The following CCDC78 variants were observed in gnomAD, a reference collection of about 807,000 sequenced individuals.
CCDC78 encodes coiled-coil domain-containing protein 78.
CCDC78 carries 78 observed loss-of-function variants against 61.9 expected under a neutral mutation model. The observed-to-expected ratio is 1.26, with a 90% CI of 1.05 to 1.52. The LOEUF (loss-of-function observed/expected upper bound fraction) is 1.52. CCDC78 is among the 40% of genes most tolerant of loss of function. The pLI is 0.00. For missense variants in CCDC78, 737 were observed against 615.5 expected (o/e 1.20, Z -2.09); for synonymous variants, 287 against 251.9 (o/e 1.14, Z -1.32).
At position 725,205 on chromosome 16, in the gene CCDC78, C is replaced by T. The variant is rs373426261; in HGVS notation, c.492+32G>A. On this transcript the variant is annotated intron_variant, in intron 5 of 13. Transcript: ENST00000345165. Reference sequence around the variant, plus strand: ...TAGGCTTGGGGTCTCTGGTGCTGCCCTCTCCCCTGAGCTAGGTGGCTGCAC... The same window carrying T: ...TAGGCTTGGGGTCTCTGGTGCTGCCTTCTCCCCTGAGCTAGGTGGCTGCAC... 3.7e-6 allele frequency: 6 copies of T among 1,610,834 alleles called. No homozygotes were observed. The East Asian group carries it at 6.7e-5, about 18-fold the overall frequency.
At chr16:723,994 G>A in intron 10 of CCDC78, 58 bp from the exon 11 acceptor site, 3 of 1,593,722 alleles carry the variant, frequency 1.9e-6, no homozygotes, top group Non-Finnish European at 2.6e-6. Context: ...GCCCCTCAGA[G>A]GCCCGGGGCT....
Position 724,891 on chromosome 16 carries a change from C to T in CCDC78, c.639+20G>A. Reference sequence around the variant, plus strand: ...GGCCCCCACCCTCCAGGTCTCCAAGCAGTCAGGGCAGAGCCTCACCACAGC... The same window carrying T: ...GGCCCCCACCCTCCAGGTCTCCAAGTAGTCAGGGCAGAGCCTCACCACAGC... On this transcript the variant is annotated intron_variant, in intron 7 of 13. Coordinates refer to ENST00000345165, the MANE Select transcript of CCDC78 (RefSeq NM_001378030.1). 2 of 1,595,646 alleles carry T rather than the reference C, an allele frequency of 1.3e-6. No individual in the cohort carries two copies. The highest frequency in any genetic ancestry group is 1.1e-5 in the South Asian group (1 of 89,448).
chr16:725,733 G>C, intron 3 of CCDC78, 61 bp downstream of exon 3: 1 of 1,575,622 alleles, frequency 6.3e-7, no homozygotes, highest in Non-Finnish European at 8.6e-7. Flanking sequence ...TGCAGGGCAC[G>C]TGTCCTGGGC....
In CCDC78 at chr16:725,087, A is replaced by C; in HGVS notation, c.551T>G (p.Val184Gly). The C allele has an allele frequency of 6.2e-7, 1 of 1,612,656 alleles. No homozygotes were observed. The highest frequency in any genetic ancestry group is 1.1e-5 in the South Asian group (1 of 91,080). Reference sequence around the variant, plus strand: ...TGAGATGGCCACTCACACACGCGTCACCAGTGCCTGCTGCCGGGCCTCCTG... The same window carrying C: ...TGAGATGGCCACTCACACACGCGTCCCCAGTGCCTGCTGCCGGGCCTCCTG... ...EHQEARQQAL[V>G]TRVATLGRQL... Residue 184 changes from valine (V) to glycine (G), a missense_variant, in exon 6 of 14, where the codon GTG (valine) becomes GGG (glycine). Physicochemically the swap from Val to Gly is moderately radical, Grantham distance 109. Coordinates refer to ENST00000345165, the MANE Select transcript of CCDC78 (RefSeq NM_001378030.1).
chr16:723,838 C>T lies in CCDC78; in HGVS notation c.1133+19G>A, dbSNP rs1567314918. On this transcript the variant is annotated intron_variant, in intron 11 of 13. Transcript: ENST00000345165. Reference sequence around the variant, plus strand: ...GCTCATCCCCCACAGGCCTCCCCCACACCCATGAGGGCACTCACTGTGGCT... The same window carrying T: ...GCTCATCCCCCACAGGCCTCCCCCATACCCATGAGGGCACTCACTGTGGCT... The T allele has an allele frequency of 1.9e-6, 3 of 1,565,542 alleles. No homozygotes were observed. Among genetic ancestry groups the T allele is most frequent in the Non-Finnish European group, 2.6e-6 (3 of 1,154,918 alleles).
Position 724,135 on chromosome 16 carries a change from C to A in CCDC78, c.1024G>T (p.Val342Phe). 1 of 1,602,616 alleles carries A rather than the reference C, an allele frequency of 6.2e-7. No individual in the cohort carries two copies. The highest frequency in any genetic ancestry group is 8.5e-7 in the Non-Finnish European group (1 of 1,174,762). ...TCCTCCCGATGGCTGAAGTCAGTGACCAGGGGCACGGGCAATGGTTCCAGG... is the reference window on the plus strand; with the variant it reads ...TCCTCCCGATGGCTGAAGTCAGTGAACAGGGGCACGGGCAATGGTTCCAGG... Reference protein sequence around the residue: ...LDLEPLPVPLVTDFSHREDQH... With the variant: ...LDLEPLPVPLFTDFSHREDQH... Residue 342 changes from valine to phenylalanine, a missense_variant, in exon 10 of 14, where the codon GTC becomes TTC. Coordinates refer to ENST00000345165, the MANE Select transcript of CCDC78 (RefSeq NM_001378030.1).
rs753986011 is a variant in CCDC78, at chr16:722,693, C to A, written c.1398G>T (p.Arg466Ser). Residue 466 changes from arginine to serine, a missense_variant, in exon 14 of 14, where the codon AGG (arginine) becomes AGT (serine). Transcript: ENST00000345165. ...GGGAGACGGCCTAGTGGCTGCCGGT[C>A]CTTGGATGCTGGGGCTTGGCTGGAG... ...AVPPAKPQHP[R>S]TGSH 5.0e-6 allele frequency: 8 copies of A among 1,607,962 alleles called. No homozygotes were observed.
rs1265287188 is a variant in CCDC78, at chr16:726,437, T to C, written c.-70A>G. 6 of 1,491,834 alleles carry C rather than the reference T, an allele frequency of 4.0e-6. No homozygotes were observed. The East Asian group carries it at 7.4e-5, about 18-fold the overall frequency. The allele number at this position is 1,491,834 out of a possible 1,614,324, so 92.4% of individuals were successfully genotyped here. On this transcript the variant is annotated 5_prime_UTR_variant, in exon 1 of 14. Transcript: ENST00000345165. ...CGCCCGGCTTCCCCATGGCTGCTGC[T>C]GCCACTGGCACTGCTAAGTGCGTTG...
intron 11 of CCDC78, 129 bp from the exon 12 acceptor site, chr16:723,290 GGCCCCCCCCGTGCTCCTGTGGC>G: frequency 1.9e-6 from 2 of 1,053,330 alleles, no homozygotes; most frequent in Non-Finnish European, 2.8e-6. Context: ...GGGAGGCATG[GGCCCCCCCCGTGCTCCTGTGGC>G]GCCCCCCCCA....
rs1211833005 is a variant in CCDC78 at position 724,399 on chromosome 16, C to T, written c.876G>A (p.Leu292=). The T allele has an allele frequency of 1.9e-6, 3 of 1,611,340 alleles. No individual in the cohort carries two copies. Among genetic ancestry groups the T allele is most frequent in the African/African-American group, 2.7e-5 (2 of 74,942 alleles). The change falls in exon 9 of 14, where the codon CTG becomes CTA. Residue 292 remains leucine (L), a synonymous_variant. Coordinates refer to ENST00000345165, the MANE Select transcript of CCDC78 (RefSeq NM_001378030.1). The part of the protein sequence containing the change: ...RAAHRSREQQ[L]ARAARSYHKR... Reference sequence around the variant, plus strand: ...TGTGGTAGCTGCGGGCAGCCCGGGCCAGCTGCTGCTCACGGCTGCGGTGCG... The same window carrying T: ...TGTGGTAGCTGCGGGCAGCCCGGGCTAGCTGCTGCTCACGGCTGCGGTGCG...
intron 11 of CCDC78, chr16:723,588 G>T (rs1350618925): frequency 2.9e-6 from 2 of 686,950 alleles, no homozygotes; most frequent in East Asian, 5.6e-5. Flanking sequence ...CCAGGTCTCA[G>T]CGGAAACCTC....
At chr16:723,199 C>T (rs955699632) in intron 11 of CCDC78, 38 bp from the exon 12 acceptor site, 1 of 1,603,992 alleles carries the variant, frequency 6.2e-7, no homozygotes, top group Non-Finnish European at 8.5e-7. Flanking sequence ...GTTTTGAGAG[C>T]TGGCATGGTG....
Position 724,198 on chromosome 16 carries a change from C to T in CCDC78, c.961G>A (p.Gly321Arg). 8 of 1,595,994 alleles carry T rather than the reference C, an allele frequency of 5.0e-6. No individual in the cohort carries two copies. Among genetic ancestry groups the T allele is most frequent in the Non-Finnish European group, 6.8e-6 (8 of 1,170,708 alleles). The stretch of plus-strand genomic sequence containing the variant: ...ATGTCAAAAATAGCTTGGGGGTTCC[C>T]AGGTGCCCTGTCAGGGTAGGCTAGT... ...EELLVAYRAP[G>R]NPQAIFDIAS... Residue 321 changes from glycine (G) to arginine (R), a missense_variant, in exon 10 of 14, where the codon GGG (glycine) becomes AGG (arginine). Gly to Arg is a moderately radical substitution (Grantham distance 125, BLOSUM62 -2). Coordinates refer to ENST00000345165, the MANE Select transcript of CCDC78 (RefSeq NM_001378030.1).
Position 725,803 on chromosome 16 carries a change from C to G in CCDC78, c.258G>C (p.Leu86=). The change falls in exon 3 of 14, where the codon CTG becomes CTC. Residue 86 remains leucine, a synonymous_variant. Coordinates refer to ENST00000345165, the MANE Select transcript of CCDC78 (RefSeq NM_001378030.1). ...HEQHEAEIFQ[L]KSEILRLESR... ...TCACACGGCTGCTCACCTCACTCTT[C>G]AGCTGGAAGATTTCAGCCTCATGCT... The G allele has an allele frequency of 1.2e-6, 2 of 1,607,672 alleles. No homozygotes were observed. The highest frequency in any genetic ancestry group is 1.7e-6 in the Non-Finnish European group (2 of 1,177,002).
chr16:725,744 C>T (rs1567325583), intron 3 of CCDC78, 50 bp downstream of exon 3: 2 of 1,577,788 alleles, frequency 1.3e-6, no homozygotes, highest in Admixed American at 1.8e-5. Context: ...TGTCCTGGGC[C>T]TGCACCCCCC....
chr16:726,500 C>G, upstream of CCDC78: 1 of 1,142,108 alleles, frequency 8.8e-7, no homozygotes. Context: ...TCCCAGGGCA[C>G]CGCCCACAGG....
In CCDC78 at chr16:725,066, A is replaced by G. The variant is rs2040728706; in HGVS notation, c.560+12T>C. 1 of 1,612,490 alleles carries G rather than the reference A, an allele frequency of 6.2e-7. No homozygotes were observed. Among genetic ancestry groups the G allele is most frequent in the South Asian group, 1.1e-5 (1 of 91,082 alleles). On this transcript the variant is annotated intron_variant, in intron 6 of 13. Transcript: ENST00000345165. ...GCTCCAGGATGGGGCCCCAGGTGAG[A>G]TGGCCACTCACACACGCGTCACCAG...
chr16:723,891 C>A lies in CCDC78; in HGVS notation c.1099G>T (p.Gly367Cys). The A allele has an allele frequency of 1.9e-6, 3 of 1,599,520 alleles. No homozygotes were observed. The highest frequency in any genetic ancestry group is 2.6e-6 in the Non-Finnish European group (3 of 1,173,346). ...ALLSSPKKRP[G>C]GASQGGTSEP... ...GATGTTCCCCCCTGGGAGGCTCCAC[C>A]GGGTCTCTTTTTTGGGGATGAGAGC... is the stretch of plus-strand genomic sequence containing the variant. The change falls in exon 11 of 14, where the codon GGT (glycine) becomes TGT (cysteine). Residue 367 changes from glycine (G) to cysteine (C), a missense_variant. Transcript: ENST00000345165.
chr16:724,807 C>T lies in CCDC78; in HGVS notation c.640-1G>A, dbSNP rs769910785. Reference sequence around the variant, plus strand: ...GCTGGCCTTGGCAGCTGCACAGCACCTGGGGTGGAAGCAGCCCTCCACCTG... The same window carrying T: ...GCTGGCCTTGGCAGCTGCACAGCACTTGGGGTGGAAGCAGCCCTCCACCTG... On this transcript the variant is annotated splice_acceptor_variant, in intron 7 of 13. Transcript: ENST00000345165. LOFTEE classifies it high-confidence loss of function. 1 of 1,612,064 alleles carries T rather than the reference C, an allele frequency of 6.2e-7. No homozygotes were observed. Among genetic ancestry groups the T allele is most frequent in the East Asian group, 2.2e-5 (1 of 44,870 alleles).
Sources: allele counts gnomAD v4.1 joint callset, GRCh38; gene constraint gnomAD v4.1.1; transcripts MANE v1.5; gene names NCBI Gene and HGNC (gene_info 2026-07-23, HGNC 2026-07-21).